Variants in PTTG1IP observed in about 807,000 individuals in gnomAD.
The protein encoded by PTTG1IP is pituitary tumor-transforming gene 1 protein-interacting protein.
PTTG1IP carries 16 observed loss-of-function variants against 24.4 expected under a neutral mutation model. The observed-to-expected ratio is 0.66, with a 90% CI of 0.44 to 1.00. PTTG1IP has a LOEUF of 1.00. Among genes scored for constraint, PTTG1IP ranks in the 50% least tolerant of loss-of-function variants. The pLI, the probability that PTTG1IP is intolerant of heterozygous loss-of-function variation, is 0.00. For synonymous variants in PTTG1IP, 89 were observed against 96.8 expected, an observed-to-expected ratio of 0.92 and a Z score of 0.47; for missense variants, 241 against 245.8, an observed-to-expected ratio of 0.98 and a Z score of 0.13.
Position 44,855,694 on chromosome 21 carries a change from A to G in PTTG1IP, c.450-438T>C, listed in dbSNP as rs188873278. On this transcript the variant is annotated intron_variant, in intron 4 of 5. Transcript: ENST00000330938. ...CCGCTTCCACCCTCGCCCGCCGCCA[A>G]CCTGACAGTTGGCCCCTCAGGTCCT... 2.1e-3 allele frequency among the ~76,000 whole-genome samples: 322 copies of G among 152,258 alleles called. 1 individual carries two copies. The highest frequency in any genetic ancestry group is 6.8e-3 in the Middle Eastern group (2 of 294).
At chr21:44,865,356 C>A in intron 2 of PTTG1IP, 39 bp downstream of exon 2, 1 of 1,603,014 alleles carries the variant, frequency 6.2e-7, no homozygotes, top group East Asian at 2.2e-5. Flanking sequence ...TTTGGACGGT[C>A]TGGACGGCAC....
At chr21:44,862,933 T>C (rs958697171) in intron 2 of PTTG1IP, among the ~76,000 whole-genome samples, 3 of 152,232 alleles carry the variant, frequency 2.0e-5, no homozygotes, top group Non-Finnish European at 4.4e-5. Flanking sequence ...TTTTCCATTT[T>C]TCCATGACAG....
chr21:44,868,665 C>T (rs1601258532), intron 1 of PTTG1IP, among the ~76,000 whole-genome samples: 1 of 152,280 alleles, frequency 6.6e-6, no homozygotes, highest in East Asian at 1.9e-4. Flanking sequence ...AGAAGCCACA[C>T]TGACATGAAA....
intron 2 of PTTG1IP, among the ~76,000 whole-genome samples, chr21:44,862,909 T>C (rs2083503105): frequency 6.6e-6 from 1 of 152,240 alleles, no homozygotes; most frequent in African/African-American, 2.4e-5. Context: ...GTGGCTCAAG[T>C]TGTAAATGTC....
Position 44,856,207 on chromosome 21 carries a change from T to C in PTTG1IP, c.435A>G (p.Ile145Met). 1 of 1,614,170 alleles carries C rather than the reference T, an allele frequency of 6.2e-7. No individual in the cohort carries two copies. Among genetic ancestry groups the C allele is most frequent in the African/African-American group, 1.3e-5 (1 of 75,052 alleles). ...KAMREREERRIRQEERRAEMK... is the reference protein window; with the variant it reads ...KAMREREERRMRQEERRAEMK... ...CACCACCTCACCGTTCCTCCTGCCG[T>C]ATCCGCCTCTCCTCCCGCTCACGCA... The change falls in exon 4 of 6, where the codon ATA becomes ATG. Residue 145 changes from isoleucine (I) to methionine (M), a missense_variant. Transcript: ENST00000330938.
At chr21:44,862,174 C>T (rs893268266) in intron 2 of PTTG1IP, among the ~76,000 whole-genome samples, 3 of 152,204 alleles carry the variant, frequency 2.0e-5, no homozygotes, top group African/African-American at 7.2e-5. Context: ...AGGCACTGAG[C>T]GTGACAGGGG....
chr21:44,852,080 G>A (rs2083415052), intron 5 of PTTG1IP, among the ~76,000 whole-genome samples: 1 of 152,164 alleles, frequency 6.6e-6, no homozygotes, highest in Admixed American at 6.5e-5. Flanking sequence ...GATAAAATGT[G>A]TATTTAATCA....
chr21:44,861,571 G>A (rs549430542), intron 2 of PTTG1IP, among the ~76,000 whole-genome samples: 1 of 152,256 alleles, frequency 6.6e-6, no homozygotes, highest in Non-Finnish European at 1.5e-5. Context: ...CCTCCTGAGT[G>A]CTGCCAACCC....
At chr21:44,868,137 A>AAATTTCTTAAATTTCTT (rs2083557173) in intron 1 of PTTG1IP, among the ~76,000 whole-genome samples, 1 of 152,230 alleles carries the variant, frequency 6.6e-6, no homozygotes, top group African/African-American at 2.4e-5. Context: ...ACAACCAGTG[A>AAATTTCTTAAATTTCTT]AAAGCCTTAA....
chr21:44,865,762 A>T (rs2083531699), intron 1 of PTTG1IP: 1 of 470,838 alleles, frequency 2.1e-6, no homozygotes, highest in Admixed American at 3.5e-5. Flanking sequence ...CTGTGAGAGG[A>T]AGTGTGCCCT....
intron 2 of PTTG1IP, among the ~76,000 whole-genome samples, chr21:44,864,811 TCTCGGGC>T (rs1018902587): frequency 3.3e-5 from 5 of 151,974 alleles, no homozygotes; most frequent in African/African-American, 1.2e-4. Context: ...CCCCGGGGAG[TCTCGGGC>T]CCCACCTCAT....
intron 5 of PTTG1IP, among the ~76,000 whole-genome samples, chr21:44,854,595 C>T (rs1382222664): frequency 6.6e-6 from 1 of 152,246 alleles, no homozygotes; most frequent in Admixed American, 6.5e-5. Flanking sequence ...AAGCAGTGAA[C>T]ATCACGTGGT....
chr21:44,860,255 G>A (rs1326757113), intron 3 of PTTG1IP, among the ~76,000 whole-genome samples: 1 of 152,162 alleles, frequency 6.6e-6, no homozygotes, highest in East Asian at 1.9e-4. Context: ...TGTAGTCCCA[G>A]CTACTCAGGA....
At chr21:44,855,154 A>C in intron 5 of PTTG1IP, 56 bp downstream of exon 5, 1 of 1,533,062 alleles carries the variant, frequency 6.5e-7, no homozygotes, top group Non-Finnish European at 9.0e-7. Context: ...ACGAGGACCG[A>C]GACAGCGTGC....
rs533446186 is a variant in PTTG1IP, at chr21:44,870,919, G to C, written c.115+2583C>G. Among the ~76,000 whole-genome samples, 11 of 152,300 alleles carry C rather than the reference G, an allele frequency of 7.2e-5. No individual in the cohort carries two copies. The South Asian group carries it at 2.3e-3, about 32-fold the overall frequency. On this transcript the variant is annotated intron_variant, in intron 1 of 5. Transcript: ENST00000330938. ...TCAGGTGAGTCAATAAACACACTAA[G>C]GACAAAGGAACACACCAGCAAGTGT...
chr21:44,862,943 G>A (rs1184018120), intron 2 of PTTG1IP, among the ~76,000 whole-genome samples: 1 of 152,308 alleles, frequency 6.6e-6, no homozygotes, highest in South Asian at 2.1e-4. Context: ...TTCCATGACA[G>A]TGGTACCATG....
chr21:44,849,868 G>A lies in PTTG1IP; in HGVS notation c.*1713C>T, dbSNP rs1400668074. On this transcript the variant is annotated 3_prime_UTR_variant, in exon 6 of 6. Transcript: ENST00000330938. ...CTACTGCATTCATACAGAGTTCACT[G>A]AAGTCTATTACCAAGTGTCTTTTAT... 1.3e-5 allele frequency: 2 copies of A among 152,206 alleles called. No individual in the cohort carries two copies. Among genetic ancestry groups the A allele is most frequent in the African/African-American group, 4.8e-5 (2 of 41,442 alleles). 9.4% of individuals were successfully genotyped at this position (152,206 alleles called of 1,614,324 possible).
chr21:44,866,479 C>G (rs1391202343), intron 1 of PTTG1IP, among the ~76,000 whole-genome samples: 1 of 125,122 alleles, frequency 8.0e-6, no homozygotes, highest in Non-Finnish European at 1.7e-5. Context: ...ATAACACACA[C>G]ACACACACAC....
At chr21:44,869,447 A>T (rs1482914683) in intron 1 of PTTG1IP, among the ~76,000 whole-genome samples, 1 of 152,188 alleles carries the variant, frequency 6.6e-6, no homozygotes, top group East Asian at 1.9e-4. Flanking sequence ...CACAATTATG[A>T]TTGTCAATTT....
Sources: gnomAD v4.1 joint callset for allele counts (sites outside exome capture counted in the v4.1 genomes callset) on GRCh38, gnomAD v4.1.1 for gene constraint, MANE v1.5 for transcripts, NCBI Gene and HGNC (gene_info 2026-07-23, HGNC 2026-07-21) for gene names.